Variants in ASH1L observed in about 807,000 individuals in gnomAD.
ASH1L encodes the protein ASH1 like histone lysine methyltransferase.
A neutral mutation model predicts 269.0 loss-of-function variants in ASH1L; 23 were observed. The observed-to-expected ratio is 0.09, with a 90% CI of 0.06 to 0.12. ASH1L has a LOEUF of 0.12. ASH1L is among the 10% of genes least tolerant of loss of function. The pLI is 1.00. For missense variants in ASH1L, 2,912 were observed against 3,567.8 expected, an observed-to-expected ratio of 0.82 and a Z score of 4.68; for synonymous variants, 1,187 against 1,253.5, an observed-to-expected ratio of 0.95 and a Z score of 1.12.
Position 155,482,268 on chromosome 1 carries a change from T to A in ASH1L, c.602A>T (p.Asp201Val). Residue 201 changes from aspartate to valine, a missense_variant, in exon 3 of 28, where the codon GAT becomes GTT. Around this residue, in one of 13 missense-constraint regions of ASH1L, gnomAD observed 277 missense variants for 367.7 expected, o/e 0.75. Transcript: ENST00000392403. ...ATPSTLLGSR[D>V]PDLKDRALLN... ...TAATGCTCTGTCCTTTAAATCAGGA[T>A]CCCGGCTACCAAGAAGAGTAGATGG... is the stretch of plus-strand genomic sequence containing the variant. 4 of 1,614,182 alleles carry A rather than the reference T, an allele frequency of 2.5e-6. No homozygotes were observed. In the South Asian group the frequency reaches 3.3e-5, roughly 13 times the overall value.
At chr1:155,560,122 C>T (rs1671861912) in intron 1 of ASH1L, among the ~76,000 whole-genome samples, 1 of 152,138 alleles carries the variant, frequency 6.6e-6, no homozygotes, top group African/African-American at 2.4e-5. Flanking sequence ...TACTAACATC[C>T]ACACACCCGA....
rs570177690 is a variant in ASH1L at position 155,501,447 on chromosome 1, T to C, written c.421-18998A>G. Among the ~76,000 whole-genome samples, 20 of 152,346 alleles carry C rather than the reference T, an allele frequency of 1.3e-4. 1 individual carries two copies. The East Asian group carries it at 3.5e-3, about 26-fold the overall frequency. Reference sequence around the variant, plus strand: ...GTGCAGTAGCACAATCTCAGCTCACTGCAATCTCCACCTCCCGGTTTCAAG... The same window carrying C: ...GTGCAGTAGCACAATCTCAGCTCACCGCAATCTCCACCTCCCGGTTTCAAG... On this transcript the variant is annotated intron_variant, in intron 2 of 27. Transcript: ENST00000392403.
chr1:155,451,511 G>A (rs547592139), intron 4 of ASH1L, among the ~76,000 whole-genome samples: 2 of 152,218 alleles, frequency 1.3e-5, no homozygotes, highest in African/African-American at 2.4e-5. Context: ...CGTAATCACA[G>A]CACTTTGGGA....
chr1:155,350,740 G>C (rs1267846436), intron 17 of ASH1L, among the ~76,000 whole-genome samples: 1 of 151,702 alleles, frequency 6.6e-6, no homozygotes, highest in African/African-American at 2.4e-5. Flanking sequence ...GGCTAACATG[G>C]GGAAACTCCA....
chr1:155,439,467 G>A (rs1662368968), intron 4 of ASH1L, among the ~76,000 whole-genome samples: 1 of 152,136 alleles, frequency 6.6e-6, no homozygotes. Context: ...GGAGGCCAAG[G>A]CAGGAGGAAT....
At chr1:155,524,430 G>A (rs751147700) in intron 1 of ASH1L, among the ~76,000 whole-genome samples, 4 of 151,488 alleles carry the variant, frequency 2.6e-5, no homozygotes, top group Non-Finnish European at 5.9e-5. Context: ...GCTGAGGCAG[G>A]AGAATGGCGT....
chr1:155,499,600 C>G (rs1288634821), intron 2 of ASH1L, among the ~76,000 whole-genome samples: 1 of 152,116 alleles, frequency 6.6e-6, no homozygotes, highest in African/African-American at 2.4e-5. Context: ...ATTCTGATGT[C>G]TCTCAAAAAG....
rs548351375 is a variant in ASH1L at position 155,532,772 on chromosome 1, G to A, written c.-99-11154C>T. Among the ~76,000 whole-genome samples, 5 of 149,530 alleles carry A rather than the reference G, an allele frequency of 3.3e-5. No homozygotes were observed. The East Asian group carries it at 7.8e-4, about 23-fold the overall frequency. On this transcript the variant is annotated intron_variant, in intron 1 of 27. Transcript: ENST00000392403. The stretch of plus-strand genomic sequence containing the variant: ...CAGGAGGCACAGGTTGCAGTGAGCC[G>A]AGATTGTGCCACTGCACTCCAGCCT...
chr1:155,504,299 G>C (rs753807166), intron 2 of ASH1L, among the ~76,000 whole-genome samples: 2 of 152,140 alleles, frequency 1.3e-5, no homozygotes, highest in African/African-American at 2.4e-5. Flanking sequence ...GTCAAGCTGA[G>C]CTTTGCCAGT....
At chr1:155,434,206 G>A in intron 5 of ASH1L, 1 of 1,596,818 alleles carries the variant, frequency 6.3e-7, no homozygotes, top group Non-Finnish European at 8.5e-7. Context: ...TCCCTGAGGG[G>A]GAAGCCTTTC....
intron 3 of ASH1L, among the ~76,000 whole-genome samples, chr1:155,460,951 T>C (rs529049543): frequency 6.6e-6 from 1 of 152,356 alleles, no homozygotes; most frequent in South Asian, 2.1e-4. Flanking sequence ...TTGATTCTTA[T>C]ATTGGATTCT....
intron 1 of ASH1L, among the ~76,000 whole-genome samples, chr1:155,555,000 G>A (rs777188250): frequency 7.9e-5 from 12 of 151,442 alleles, no homozygotes; most frequent in African/African-American, 2.4e-4. Flanking sequence ...AAAATTTGCC[G>A]GGCATGGTGG....
intron 1 of ASH1L, among the ~76,000 whole-genome samples, chr1:155,552,894 C>T (rs1392706887): frequency 6.6e-6 from 1 of 151,992 alleles, no homozygotes; most frequent in Non-Finnish European, 1.5e-5. Context: ...AAAATAATAA[C>T]AAATACACAT....
At chr1:155,453,494 G>C (rs2148660209) in intron 4 of ASH1L, among the ~76,000 whole-genome samples, 1 of 152,284 alleles carries the variant, frequency 6.6e-6, no homozygotes, top group Non-Finnish European at 1.5e-5. Flanking sequence ...GGTAGCAACA[G>C]TAACAACAGA....
chr1:155,415,718 G>A (rs1660156802), intron 6 of ASH1L, 26 bp downstream of exon 6: 1 of 1,593,692 alleles, frequency 6.3e-7, no homozygotes, highest in Non-Finnish European at 8.5e-7. Context: ...AAAAAGGGAT[G>A]TTAGCTAATA....
intron 24 of ASH1L, 94 bp from the exon 25 acceptor site, chr1:155,342,196 G>C: frequency 1.6e-6 from 2 of 1,219,484 alleles, no homozygotes; most frequent in Non-Finnish European, 2.4e-6. Flanking sequence ...AGAGCAGCTA[G>C]ACCCTTAAAA....
rs938683230 is a variant in ASH1L at position 155,553,870 on chromosome 1, C to T, written c.-100+8283G>A. 3.3e-5 allele frequency among the ~76,000 whole-genome samples: 5 copies of T among 151,372 alleles called. No homozygotes were observed. In the East Asian group the frequency reaches 5.8e-4, roughly 18 times the overall value. On this transcript the variant is annotated intron_variant, in intron 1 of 27. Transcript: ENST00000392403. ...GGAGTGCAGTGGCAAGATCTCGGCT[C>T]ACCGCAACCTCTACCACCCAGGTTC... is the stretch of plus-strand genomic sequence containing the variant.
intron 2 of ASH1L, among the ~76,000 whole-genome samples, chr1:155,487,478 C>T (rs1190032446): frequency 6.6e-6 from 1 of 152,034 alleles, no homozygotes; most frequent in Non-Finnish European, 1.5e-5. Flanking sequence ...AGTGATCCTC[C>T]CACCTCAGCC....
intron 7 of ASH1L, among the ~76,000 whole-genome samples, chr1:155,380,464 C>A (rs551449406): frequency 6.6e-6 from 1 of 151,944 alleles, no homozygotes; most frequent in African/African-American, 2.4e-5. Context: ...TTACACATAA[C>A]CTAAGGTTGA....
Sources: gnomAD v4.1 joint callset for allele counts (sites outside exome capture counted in the v4.1 genomes callset) on GRCh38, gnomAD v4.1.1 for gene constraint, gnomAD v4.1.1 regional missense constraint, MANE v1.5 for transcripts, NCBI Gene and HGNC (gene_info 2026-07-23, HGNC 2026-07-21) for gene names.